The following GLP2R variants were observed in gnomAD, a reference collection of about 807,000 sequenced individuals.
GLP2R encodes the protein glucagon-like peptide 2 receptor.
GLP2R carries 59 observed loss-of-function variants against 68.2 expected under a neutral mutation model. That is an observed-to-expected ratio of 0.87 (90% CI 0.70 to 1.07). The LOEUF (loss-of-function observed/expected upper bound fraction) is 1.07. Among genes scored for constraint, GLP2R ranks in the 50% least tolerant of loss-of-function variants. The pLI is 0.00. For missense variants in GLP2R, 548 were observed against 677.4 expected, an observed-to-expected ratio of 0.81 and a Z score of 2.12; for synonymous variants, 270 against 265.4, an observed-to-expected ratio of 1.02 and a Z score of -0.17.
intron 4 of GLP2R, among the ~76,000 whole-genome samples, chr17:9,847,802 C>A (rs549455057): frequency 6.6e-6 from 1 of 152,288 alleles, no homozygotes; most frequent in East Asian, 1.9e-4. Flanking sequence ...GGTTCGGGCT[C>A]TGTTCCTTCA....
intron 11 of GLP2R, among the ~76,000 whole-genome samples, chr17:9,880,781 C>CACACA (rs2067188163): frequency 6.6e-6 from 1 of 152,200 alleles, no homozygotes; most frequent in African/African-American, 2.4e-5. Flanking sequence ...ATCATATTAA[C>CACACA]TATGAGTGTC....
At chr17:9,848,312 C>G (rs2066860060) in intron 4 of GLP2R, among the ~76,000 whole-genome samples, 1 of 152,166 alleles carries the variant, frequency 6.6e-6, no homozygotes, top group Non-Finnish European at 1.5e-5. Flanking sequence ...TTATATTTGA[C>G]TATCACCCCC....
At chr17:9,865,806 GCTTAA>G (rs1159950481) in intron 9 of GLP2R, 5 of 470,948 alleles carry the variant, frequency 1.1e-5, no homozygotes, top group Non-Finnish European at 2.2e-5. Flanking sequence ...AGAGGACATT[GCTTAA>G]CTATTGTTGT....
intron 12 of GLP2R, 89 bp from the exon 13 acceptor site, chr17:9,889,279 GCA>G: frequency 1.2e-6 from 1 of 805,802 alleles, no homozygotes; most frequent in Non-Finnish European, 2.0e-6. Context: ...CCCAAGGGTG[GCA>G]CAGAGTAGCT....
At chr17:9,879,253 CTATAA>C (rs1567737162) in intron 10 of GLP2R, among the ~76,000 whole-genome samples, 1 of 82,184 alleles carries the variant, frequency 1.2e-5, no homozygotes, top group Non-Finnish European at 2.3e-5. Flanking sequence ...GATCCCCTCT[CTATAA>C]AATAAAATAA....
intron 6 of GLP2R, among the ~76,000 whole-genome samples, chr17:9,857,973 A>G (rs927945913): frequency 3.3e-5 from 5 of 152,228 alleles, no homozygotes; most frequent in African/African-American, 4.8e-5. Flanking sequence ...CTGAACATGT[A>G]CAGACTTTTT....
At chr17:9,843,648 C>G (rs1390558793) in intron 4 of GLP2R, among the ~76,000 whole-genome samples, 1 of 152,238 alleles carries the variant, frequency 6.6e-6, no homozygotes, top group Non-Finnish European at 1.5e-5. Flanking sequence ...ACCATACTTT[C>G]TCGTTGGACT....
At chr17:9,843,883 G>C (rs541321062) in intron 4 of GLP2R, among the ~76,000 whole-genome samples, 3 of 150,958 alleles carry the variant, frequency 2.0e-5, no homozygotes, top group African/African-American at 7.3e-5. Context: ...ATAAACAGGG[G>C]ATAGCACGTG....
chr17:9,833,382 A>G (rs1406204143), intron 1 of GLP2R, among the ~76,000 whole-genome samples: 2 of 152,156 alleles, frequency 1.3e-5, no homozygotes, highest in Non-Finnish European at 2.9e-5. Flanking sequence ...TTGACTTTGG[A>G]CCTGCAGATA....
intron 6 of GLP2R, 24 bp from the exon 7 acceptor site, chr17:9,859,918 C>A: frequency 5.1e-6 from 8 of 1,580,190 alleles, no homozygotes; most frequent in South Asian, 1.2e-5. Context: ...CTGGACTCAC[C>A]CTCAGGTGTT....
At chr17:9,842,899 T>A (rs2066801405) in intron 4 of GLP2R, among the ~76,000 whole-genome samples, 1 of 152,178 alleles carries the variant, frequency 6.6e-6, no homozygotes, top group African/African-American at 2.4e-5. Flanking sequence ...CTGTCCCAGC[T>A]CCCCTGTGGC....
At chr17:9,887,302 G>A (rs953589355) in intron 11 of GLP2R, among the ~76,000 whole-genome samples, 5 of 151,870 alleles carry the variant, frequency 3.3e-5, no homozygotes, top group Admixed American at 1.3e-4. Flanking sequence ...CAAGGCAGGC[G>A]GGTCACCTGA....
intron 10 of GLP2R, among the ~76,000 whole-genome samples, chr17:9,877,164 C>T (rs1361019978): frequency 6.6e-6 from 1 of 152,148 alleles, no homozygotes; most frequent in Non-Finnish European, 1.5e-5. Context: ...ACTCATGTGC[C>T]ATAAGCAGAT....
intron 10 of GLP2R, among the ~76,000 whole-genome samples, chr17:9,879,635 C>A (rs2067176587): frequency 6.6e-6 from 1 of 152,200 alleles, no homozygotes; most frequent in South Asian, 2.1e-4. Context: ...TTGGGAACCA[C>A]CAGTATGCAA....
rs780443997 is a variant in GLP2R at position 9,889,756 on chromosome 17, C to A, written c.*51C>A. ...GCTCCCAGGGACTCTTGAGGGGGCC[C>A]AGGAAGAGGAAGCAAAGCAGGACAC... On this transcript the variant is annotated 3_prime_UTR_variant, in exon 13 of 13. Transcript: ENST00000262441. 19 of 1,204,650 alleles carry A rather than the reference C, an allele frequency of 1.6e-5. No homozygotes were observed. In the Admixed American group the frequency reaches 4.6e-4, roughly 29 times the overall value. The allele number at this position is 1,204,650 out of a possible 1,614,324, so 74.6% of individuals were successfully genotyped here. A position where few individuals can be genotyped will look rare whatever the true frequency, so the allele number is the denominator to read the frequency against.
intron 10 of GLP2R, among the ~76,000 whole-genome samples, chr17:9,878,912 C>CT (rs2067164768): frequency 1.3e-5 from 2 of 152,128 alleles, no homozygotes; most frequent in South Asian, 4.2e-4. Context: ...AGTCTGGCCC[C>CT]TTTAGAAGAA....
At chr17:9,849,801 G>T (rs1298039776) in intron 4 of GLP2R, among the ~76,000 whole-genome samples, 2 of 151,876 alleles carry the variant, frequency 1.3e-5, no homozygotes, top group African/African-American at 4.8e-5. Flanking sequence ...TTTTAGTAGA[G>T]ACAGTGTTTC....
chr17:9,854,640 T>C, intron 5 of GLP2R, 39 bp downstream of exon 5: 1 of 1,141,074 alleles, frequency 8.8e-7, no homozygotes, highest in South Asian at 1.2e-5. Flanking sequence ...CGGGCAGGTA[T>C]AGTAGCCCTC....
At chr17:9,841,277 C>T (rs1045883508) in intron 3 of GLP2R, among the ~76,000 whole-genome samples, 3 of 151,880 alleles carry the variant, frequency 2.0e-5, no homozygotes, top group African/African-American at 7.2e-5. Context: ...ATCCACCCAC[C>T]TCGACCTCCC....
Sources: allele counts gnomAD v4.1 joint callset (sites outside exome capture counted in the v4.1 genomes callset), GRCh38; gene constraint gnomAD v4.1.1; transcripts MANE v1.5; gene names NCBI Gene and HGNC (gene_info 2026-07-23, HGNC 2026-07-21).